BRF1: variants seen among roughly 807,000 people sequenced by gnomAD.
BRF1 encodes the protein BRF1 general transcription factor IIIB subunit.
A neutral mutation model predicts 81.7 loss-of-function variants in BRF1; 59 were observed. The ratio of observed to expected loss-of-function variants is 0.72; its 90% CI spans 0.59 to 0.90. BRF1 has a LOEUF of 0.90. BRF1 is among the 40% of genes least tolerant of loss of function. The probability of loss-of-function intolerance (pLI) is 0.00; values close to 1 mark genes in which losing one functional copy is unlikely to be tolerated. For synonymous variants in BRF1, 491 were observed against 395.6 expected, an observed-to-expected ratio of 1.24 and a Z score of -2.86; for missense variants, 1,050 against 936.3, an observed-to-expected ratio of 1.12 and a Z score of -1.58.
In BRF1 at chr14:105,209,411, G is replaced by GC; in HGVS notation, c.*1139dup. 1.5e-6 allele frequency: 1 copy of GC among 667,846 alleles called. No individual in the cohort carries two copies. The highest frequency in any genetic ancestry group is 2.7e-6 in the Non-Finnish European group (1 of 365,178). The allele number at this position is 667,846 out of a possible 1,614,324, so 41.4% of individuals were successfully genotyped here. ...GGGCGGGGGTAGGGGGGTCTGGCCTGCTGCGGGCCAAGTTGGGGCAGGACA... is the reference window on the plus strand; with the variant it reads ...GGGCGGGGGTAGGGGGGTCTGGCCTGCCTGCGGGCCAAGTTGGGGCAGGACA... On this transcript the variant is annotated 3_prime_UTR_variant, in exon 18 of 18. Coordinates refer to ENST00000547530, the MANE Select transcript of BRF1 (RefSeq NM_001519.4).
At chr14:105,241,167 T>A (rs1306643360) in intron 6 of BRF1, 98 bp downstream of exon 6, 4 of 1,540,196 alleles carry the variant, frequency 2.6e-6, no homozygotes, top group Non-Finnish European at 3.5e-6. Flanking sequence ...CTCAGTGCTC[T>A]GCAAACATAC....
chr14:105,287,860 C>T (rs2057372584), intron 1 of BRF1, among the ~76,000 whole-genome samples: 1 of 152,246 alleles, frequency 6.6e-6, no homozygotes, highest in Non-Finnish European at 1.5e-5. Flanking sequence ...AGCTACTGGG[C>T]CCGTCCGGAA....
rs606231416 is a variant in BRF1, at chr14:105,241,282, G to A, written c.677C>T (p.Ser226Leu). Residue 226 changes from serine (S) to leucine (L), a missense_variant, in exon 6 of 18, where the codon TCG becomes TTG. Transcript: ENST00000547530. ...RDWMHTGRRP[S>L]GLCGAALLVA... The stretch of plus-strand genomic sequence containing the variant: ...CGCTGTACCTGCTCCGCAGAGGCCC[G>A]AGGGGCGCCGGCCTGTGTGCATCCA... 4 of 1,612,012 alleles carry A rather than the reference G, an allele frequency of 2.5e-6. No individual in the cohort carries two copies. Among genetic ancestry groups the A allele is most frequent in the East Asian group, 2.2e-5 (1 of 44,884 alleles).
At chr14:105,285,357 T>A (rs1440697149) in intron 2 of BRF1, among the ~76,000 whole-genome samples, 2 of 152,248 alleles carry the variant, frequency 1.3e-5, no homozygotes, top group South Asian at 2.1e-4. Flanking sequence ...AAATGAGCTT[T>A]TAGGTTTACG....
chr14:105,296,839 T>C (rs1241309512), intron 1 of BRF1, among the ~76,000 whole-genome samples: 4 of 152,078 alleles, frequency 2.6e-5, no homozygotes, highest in Non-Finnish European at 5.9e-5. Flanking sequence ...TAACTCCTAA[T>C]AGAGCTTAGG....
chr14:105,229,160 C>A (rs146162388), intron 6 of BRF1, among the ~76,000 whole-genome samples: 2 of 152,194 alleles, frequency 1.3e-5, no homozygotes, highest in Non-Finnish European at 1.5e-5. Flanking sequence ...TGAAGGCTTC[C>A]GAGAGCTTCA....
intron 7 of BRF1, 194 bp from the exon 8 acceptor site, chr14:105,226,954 A>C: frequency 1.5e-6 from 1 of 669,968 alleles, no homozygotes; most frequent in East Asian, 3.0e-5. Context: ...ACCCAAAAAA[A>C]AAAAAAAAAA....
Position 105,269,980 on chromosome 14 carries a change from C to T in BRF1, c.439+2741G>A, listed in dbSNP as rs1689211893. On this transcript the variant is annotated intron_variant, in intron 3 of 17. Coordinates refer to ENST00000547530, the MANE Select transcript of BRF1 (RefSeq NM_001519.4). This position sits in a 1 kb window ranked among gnomAD's most constrained non-coding sequence, Gnocchi z 5.0. ...TCTAAGAGAGCAGGATCGGAGCAGG[C>T]CTCTCAGTGGGACCCCAGGGTGGAG... Among the ~76,000 whole-genome samples the T allele has an allele frequency of 6.6e-6, 1 of 152,064 alleles. No homozygotes were observed. The highest frequency in any genetic ancestry group is 1.5e-5 in the Non-Finnish European group (1 of 68,022).
At chr14:105,285,690 C>T (rs1485911573) in intron 2 of BRF1, among the ~76,000 whole-genome samples, 1 of 152,110 alleles carries the variant, frequency 6.6e-6, no homozygotes, top group Non-Finnish European at 1.5e-5. Context: ...AACTTTCATG[C>T]TCCAAAGGAT....
At chr14:105,279,715 C>T (rs376739318) in intron 2 of BRF1, among the ~76,000 whole-genome samples, 7 of 152,142 alleles carry the variant, frequency 4.6e-5, no homozygotes, top group Admixed American at 1.3e-4. Flanking sequence ...AACTCCCAAG[C>T]GGAGGGGGCA....
At position 105,229,665 on chromosome 14, in the gene BRF1, G is replaced by A. The variant is rs587597774; in HGVS notation, c.695-752C>T. ...GGGCGGGGGACAGCCTGGCAGCCCCGTGGCACCCTCAGGAGCAACAACCTA... is the reference window on the plus strand; with the variant it reads ...GGGCGGGGGACAGCCTGGCAGCCCCATGGCACCCTCAGGAGCAACAACCTA... On this transcript the variant is annotated intron_variant, in intron 6 of 17. Transcript: ENST00000547530. 3.8e-3 allele frequency among the ~76,000 whole-genome samples: 564 copies of A among 149,882 alleles called. 5 individuals are homozygous for A. The highest frequency in any genetic ancestry group is 1.3e-3 in the Non-Finnish European group (90 of 67,288).
chr14:105,315,010 A>G lies in BRF1; in HGVS notation c.-162+312T>C. The G allele has an allele frequency of 2.4e-6, 3 of 1,254,366 alleles. No homozygotes were observed. Among genetic ancestry groups the G allele is most frequent in the Non-Finnish European group, 3.1e-6 (3 of 979,558 alleles). 77.7% of individuals were successfully genotyped at this position (1,254,366 alleles called of 1,614,324 possible). ...AACCTGTTCGCCACCTGGGAGGTGG[A>G]CGGCTCCAGCCCCAGCTGCGTGCCC... On this transcript the variant is annotated intron_variant, in intron 1 of 17. Transcript: ENST00000327359. This position sits in a 1 kb window ranked among gnomAD's most constrained non-coding sequence, Gnocchi z 4.4.
intron 5 of BRF1, chr14:105,249,985 G>T: frequency 1.2e-6 from 2 of 1,612,696 alleles, no homozygotes; most frequent in Non-Finnish European, 1.7e-6. Context: ...ACTGGGCCGA[G>T]GCGGAGTGCA....
At chr14:105,293,087 G>C (rs1304937442) in intron 1 of BRF1, among the ~76,000 whole-genome samples, 2 of 152,210 alleles carry the variant, frequency 1.3e-5, no homozygotes, top group Non-Finnish European at 2.9e-5. Flanking sequence ...GGTTCTGGGG[G>C]TCATGGAGCA....
In BRF1 at chr14:105,291,954, C is replaced by T. The variant is rs143792931; in HGVS notation, c.185-5578G>A. 9.8e-3 allele frequency among the ~76,000 whole-genome samples: 1,486 copies of T among 152,020 alleles called. 26 individuals are homozygous for T. The highest frequency in any genetic ancestry group is 0.034 in the African/African-American group (1,425 of 41,480). On this transcript the variant is annotated intron_variant, in intron 1 of 17. Transcript: ENST00000547530. ...CGGAGGCTGCAGTGAGATGAGATTG[C>T]GCCATTGCACTCCAGCCTGGGCAAC... is the stretch of plus-strand genomic sequence containing the variant.
intron 2 of BRF1, among the ~76,000 whole-genome samples, chr14:105,279,607 G>A (rs1044857803): frequency 1.7e-4 from 26 of 152,134 alleles, no homozygotes; most frequent in African/African-American, 5.8e-4. Flanking sequence ...GCTTCCTGGT[G>A]GGAACATGAA....
chr14:105,224,974 G>A lies in BRF1; in HGVS notation c.1048+1095C>T, dbSNP rs587716517. On this transcript the variant is annotated intron_variant, in intron 10 of 17. Transcript: ENST00000547530. ...GGGGAAAGCACCTGATCCCCAGAGA[G>A]CAGCTGTCAGTGGACGATGACCTCT... 3.9e-5 allele frequency among the ~76,000 whole-genome samples: 6 copies of A among 152,368 alleles called. No individual in the cohort carries two copies. In the South Asian group the frequency reaches 1.2e-3, roughly 32 times the overall value.
chr14:105,274,279 A>G (rs908724182), intron 2 of BRF1, among the ~76,000 whole-genome samples: 16 of 152,118 alleles, frequency 1.1e-4, no homozygotes, highest in African/African-American at 3.6e-4. Flanking sequence ...TTGCTGAGAT[A>G]GTGAAAATAA....
chr14:105,300,721 G>C lies in BRF1; in HGVS notation c.-92C>G. 1 of 1,009,098 alleles carries C rather than the reference G, an allele frequency of 9.9e-7. No homozygotes were observed. The highest frequency in any genetic ancestry group is 1.3e-6 in the Non-Finnish European group (1 of 792,734). 62.5% of individuals were successfully genotyped at this position (1,009,098 alleles called of 1,614,324 possible). ...AGCCCGCGCCGCCCGCCCAGGCCCA[G>C]CCGCCCAGGCCTCGCCGCTCTCGCG... On this transcript the variant is annotated 5_prime_UTR_variant, in exon 1 of 18. Coordinates refer to ENST00000547530, the MANE Select transcript of BRF1 (RefSeq NM_001519.4).
Sources: allele counts gnomAD v4.1 joint callset (sites outside exome capture counted in the v4.1 genomes callset), GRCh38; gene constraint gnomAD v4.1.1; non-coding constraint Gnocchi (gnomAD v3.1); transcripts MANE v1.5; gene names NCBI Gene and HGNC (gene_info 2026-07-23, HGNC 2026-07-21).